The following SREBF2 variants were observed in gnomAD, a reference collection of about 807,000 sequenced individuals.
The protein encoded by SREBF2 is sterol regulatory element-binding protein 2.
A neutral mutation model predicts 113.1 loss-of-function variants in SREBF2; 55 were observed. The ratio of observed to expected loss-of-function variants is 0.49; its 90% CI spans 0.39 to 0.61. The LOEUF (loss-of-function observed/expected upper bound fraction) is 0.61, where lower values mean the gene tolerates loss of function less well. Ranked by LOEUF, SREBF2 falls within the 20% of genes least tolerant of loss-of-function variation. The pLI is 0.00. For missense variants in SREBF2, 1,349 were observed against 1,487.4 expected (o/e 0.91, Z 1.53); for synonymous variants, 593 against 605.7 (o/e 0.98, Z 0.31).
rs554493901 is a variant in SREBF2, at chr22:41,905,733, A to G, written c.*73A>G. ...TCCCCCTCAGCATCTTCCCGCTGAG[A>G]GTGGTGGGGAAGAGCCTTGTCTTCT... On this transcript the variant is annotated 3_prime_UTR_variant, in exon 19 of 19. Transcript: ENST00000361204. The G allele has an allele frequency of 2.1e-6, 3 of 1,461,074 alleles. No homozygotes were observed. In the African/African-American group the frequency reaches 4.2e-5, roughly 20 times the overall value. 90.5% of individuals were successfully genotyped at this position (1,461,074 alleles called of 1,614,324 possible).
chr22:41,898,835 G>A, intron 15 of SREBF2, 54 bp downstream of exon 15: 1 of 1,605,132 alleles, frequency 6.2e-7, no homozygotes, highest in African/African-American at 1.3e-5. Flanking sequence ...AATCTTGTTT[G>A]AGTTAGCAGG....
intron 3 of SREBF2, among the ~76,000 whole-genome samples, chr22:41,869,862 C>CT (rs139907976): frequency 0.016 from 2,244 of 138,304 alleles, 17 homozygotes; most frequent in Middle Eastern, 0.038. Context: ...CCTCTTTTTT[C>CT]TTTTTTTTTT....
chr22:41,868,546 T>C (rs2077108585), intron 2 of SREBF2, 65 bp from the exon 3 acceptor site: 3 of 1,567,762 alleles, frequency 1.9e-6, no homozygotes, highest in Middle Eastern at 1.7e-4. Flanking sequence ...CTCAGGTTTC[T>C]GCTGCAGCTG....
intron 3 of SREBF2, 69 bp from the exon 4 acceptor site, chr22:41,870,820 A>G (rs745741145): frequency 1.8e-5 from 29 of 1,567,836 alleles, no homozygotes; most frequent in Non-Finnish European, 2.5e-5. Context: ...AGGTCTATGC[A>G]GTAAGAAAGG....
chr22:41,902,891 A>G, intron 16 of SREBF2, 79 bp from the exon 17 acceptor site: 2 of 1,457,840 alleles, frequency 1.4e-6, no homozygotes, highest in Non-Finnish European at 1.9e-6. Flanking sequence ...GTCTGGGGAG[A>G]GGCCTGGTAG....
At chr22:41,881,855 TG>T (rs2077248549) in intron 10 of SREBF2, among the ~76,000 whole-genome samples, 1 of 152,118 alleles carries the variant, frequency 6.6e-6, no homozygotes, top group South Asian at 2.1e-4. Flanking sequence ...GAGGATCACT[TG>T]CACTCAGGAG....
intron 1 of SREBF2, among the ~76,000 whole-genome samples, chr22:41,843,141 T>C (rs2076844562): frequency 1.3e-5 from 2 of 152,258 alleles, no homozygotes; most frequent in Non-Finnish European, 2.9e-5. Context: ...CTTTATTTGA[T>C]AATGAATACA....
chr22:41,896,966 A>G, intron 13 of SREBF2, 86 bp from the exon 14 acceptor site: 1 of 926,968 alleles, frequency 1.1e-6, no homozygotes, highest in Non-Finnish European at 1.7e-6. Context: ...ATTGGGTCTT[A>G]GAGCTGGAGA....
intron 16 of SREBF2, chr22:41,900,823 G>A (rs1007368796): frequency 3.1e-5 from 16 of 512,356 alleles, no homozygotes; most frequent in Middle Eastern, 3.0e-4. Flanking sequence ...AGCGGTTTGC[G>A]TGACTTCCCA....
At chr22:41,887,794 C>G (rs1385226541) in intron 11 of SREBF2, among the ~76,000 whole-genome samples, 2 of 152,172 alleles carry the variant, frequency 1.3e-5, no homozygotes, top group Non-Finnish European at 2.9e-5. Context: ...CAGCAGTGAA[C>G]AAGACTTCTA....
At chr22:41,902,288 CAG>C (rs775821825) in intron 16 of SREBF2, among the ~76,000 whole-genome samples, 7 of 152,218 alleles carry the variant, frequency 4.6e-5, no homozygotes, top group Non-Finnish European at 1.0e-4. Flanking sequence ...AGGTCGTAGG[CAG>C]AGAGTATGCA....
chr22:41,890,487 A>G (rs1335435769), intron 11 of SREBF2, among the ~76,000 whole-genome samples: 2 of 152,094 alleles, frequency 1.3e-5, no homozygotes, highest in South Asian at 4.1e-4. Flanking sequence ...ATGTTAGGGG[A>G]CACAACCTGG....
At chr22:41,881,047 T>C in intron 10 of SREBF2, 55 bp downstream of exon 10, 1 of 1,586,148 alleles carries the variant, frequency 6.3e-7, no homozygotes, top group Non-Finnish European at 8.5e-7. Context: ...ATGCTACCTC[T>C]CCTCCTTAGC....
At chr22:41,886,028 T>C (rs968852620) in intron 11 of SREBF2, 7 of 152,348 alleles carry the variant, frequency 4.6e-5, no homozygotes, top group African/African-American at 1.7e-4. Flanking sequence ...GATTCACTCA[T>C]TCAGCAAATA....
At chr22:41,895,666 T>G (rs2077409135) in intron 13 of SREBF2, among the ~76,000 whole-genome samples, 1 of 146,170 alleles carries the variant, frequency 6.8e-6, no homozygotes, top group South Asian at 2.2e-4. Flanking sequence ...GAACTCCTGA[T>G]CTCGGGCAAT....
In SREBF2 at chr22:41,897,159, T is replaced by C; in HGVS notation, c.2603T>C (p.Leu868Pro). The C allele has an allele frequency of 6.2e-7, 1 of 1,609,186 alleles. No homozygotes were observed. The highest frequency in any genetic ancestry group is 8.5e-7 in the Non-Finnish European group (1 of 1,178,024). The change falls in exon 14 of 19, where the codon CTG (leucine) becomes CCG (proline). Residue 868 changes from leucine (L) to proline (P), a missense_variant and splice_region_variant. By Grantham distance (98) the Leu-to-Pro change is moderately conservative. Transcript: ENST00000361204. Reference protein sequence around the residue: ...LSRSSVLKSALGPDIICRWWT... With the variant: ...LSRSSVLKSAPGPDIICRWWT... ...AGGAGCTCCGTGCTCAAGTCCGCCC[T>C]GGGTAAGCACCTGCGGGTGGCCCAC...
chr22:41,900,693 G>A (rs868553514), intron 16 of SREBF2, among the ~76,000 whole-genome samples, 195 bp downstream of exon 16: 1 of 152,206 alleles, frequency 6.6e-6, no homozygotes, highest in Non-Finnish European at 1.5e-5. Flanking sequence ...CAGCCTCTGA[G>A]GCAAGTGTGT....
intron 1 of SREBF2, among the ~76,000 whole-genome samples, chr22:41,846,740 CCT>C (rs931449203): frequency 6.6e-6 from 1 of 152,172 alleles, no homozygotes; most frequent in Non-Finnish European, 1.5e-5. Context: ...AATACCCTTC[CCT>C]CTCTCTAATT....
chr22:41,854,746 G>A (rs1450833505), intron 1 of SREBF2, among the ~76,000 whole-genome samples: 1 of 151,768 alleles, frequency 6.6e-6, no homozygotes, highest in African/African-American at 2.4e-5. Flanking sequence ...GTACGTGCCT[G>A]TAATGCCAGC....
Sources: allele counts gnomAD v4.1 joint callset (sites outside exome capture counted in the v4.1 genomes callset), GRCh38; gene constraint gnomAD v4.1.1; transcripts MANE v1.5; gene names NCBI Gene and HGNC (gene_info 2026-07-23, HGNC 2026-07-21).